The following SLC35D2 variants were observed in gnomAD, a reference collection of about 807,000 sequenced individuals.
The protein encoded by SLC35D2 is solute carrier family 35 member D2.
In SLC35D2, 43 loss-of-function variants were observed where a neutral mutation model predicts 41.8. That is an observed-to-expected ratio of 1.03 (90% CI 0.81 to 1.33). The LOEUF (loss-of-function observed/expected upper bound fraction) is 1.33, where lower values mean the gene tolerates loss of function less well. Ranked by LOEUF, SLC35D2 falls within the 40% of genes most tolerant of loss-of-function variation. The probability of loss-of-function intolerance (pLI) is 0.00; values close to 1 mark genes in which losing one functional copy is unlikely to be tolerated. For synonymous variants in SLC35D2, 150 were observed against 163.9 expected, an observed-to-expected ratio of 0.92 and a Z score of 0.65; for missense variants, 380 against 408.4, an observed-to-expected ratio of 0.93 and a Z score of 0.60.
intron 1 of SLC35D2, among the ~76,000 whole-genome samples, chr9:96,375,504 G>A (rs1204152810): frequency 6.6e-6 from 1 of 151,644 alleles, no homozygotes; most frequent in Non-Finnish European, 1.5e-5. Context: ...CTTGAACCCA[G>A]GAGATGGAGG....
chr9:96,337,080 G>A (rs1005223686), intron 8 of SLC35D2, among the ~76,000 whole-genome samples: 4 of 152,174 alleles, frequency 2.6e-5, no homozygotes, highest in Non-Finnish European at 5.9e-5. Flanking sequence ...GCACAAAATC[G>A]CAAACGCTAT....
In SLC35D2 at chr9:96,379,898, C is replaced by CTT. The variant is rs372665048; in HGVS notation, c.158+3577_158+3578dup. ...AAGTTAAAGATAGAAAGGCTAGAGC[C>CTT]TTTTTTTTTTTTTTTTTGAGACAGA... On this transcript the variant is annotated intron_variant, in intron 1 of 11. Transcript: ENST00000253270. Among the ~76,000 whole-genome samples the CTT allele has an allele frequency of 6.8e-3, 917 of 135,396 alleles. 9 individuals carry two copies. Among genetic ancestry groups the CTT allele is most frequent in the Non-Finnish European group, 0.011 (715 of 62,674 alleles). The allele number at this position is 135,396 out of a possible 152,430, so 88.8% of individuals were successfully genotyped here.
intron 1 of SLC35D2, among the ~76,000 whole-genome samples, chr9:96,379,415 C>T (rs1831098852): frequency 6.6e-6 from 1 of 152,134 alleles, no homozygotes; most frequent in South Asian, 2.1e-4. Flanking sequence ...TCAAAGGCCT[C>T]TCTGTCCAAC....
At chr9:96,368,151 C>A (rs1830547918) in intron 2 of SLC35D2, 121 bp downstream of exon 2, 3 of 628,220 alleles carry the variant, frequency 4.8e-6, no homozygotes, top group East Asian at 5.8e-5. Context: ...AGTACCATGA[C>A]CCTCTGGTCC....
exon 12 of SLC35D2, chr9:96,314,587 TA>T (rs1216242478): frequency 1.3e-5 from 2 of 151,956 alleles, no homozygotes; most frequent in African/African-American, 2.4e-5. Flanking sequence ...TGGGGCCTGT[TA>T]GGGGGGTGCG....
intron 2 of SLC35D2, among the ~76,000 whole-genome samples, chr9:96,367,122 G>A (rs1490258139): frequency 2.0e-5 from 3 of 150,452 alleles, no homozygotes; most frequent in African/African-American, 4.9e-5. Flanking sequence ...CGGGAGGCTG[G>A]GGCATAAGAA....
chr9:96,355,465 G>A (rs944882202), intron 4 of SLC35D2, among the ~76,000 whole-genome samples: 4 of 151,512 alleles, frequency 2.6e-5, no homozygotes, highest in Non-Finnish European at 4.4e-5. Context: ...TCCAGTCTGG[G>A]CAACAGAGTG....
intron 1 of SLC35D2, among the ~76,000 whole-genome samples, chr9:96,373,551 G>A (rs1230968065): frequency 6.6e-6 from 1 of 151,976 alleles, no homozygotes; most frequent in Non-Finnish European, 1.5e-5. Flanking sequence ...GCCGGGTGTG[G>A]TGGCGGGTGC....
chr9:96,375,578 CAAA>C (rs540487211), intron 1 of SLC35D2, among the ~76,000 whole-genome samples: 1 of 126,856 alleles, frequency 7.9e-6, no homozygotes, highest in Non-Finnish European at 1.7e-5. Flanking sequence ...AGCTCCATCT[CAAA>C]AAAAAAAAAA....
intron 1 of SLC35D2, among the ~76,000 whole-genome samples, chr9:96,369,653 T>C (rs1052442929): frequency 2.6e-5 from 4 of 152,162 alleles, no homozygotes; most frequent in African/African-American, 9.7e-5. Flanking sequence ...ATGACATAGA[T>C]GATGCTGCAG....
intron 2 of SLC35D2, among the ~76,000 whole-genome samples, chr9:96,365,615 A>C (rs573681083): frequency 6.6e-6 from 1 of 152,258 alleles, no homozygotes; most frequent in South Asian, 2.1e-4. Context: ...CATTTTTTAA[A>C]AAGTCCATTA....
chr9:96,382,496 C>CTCTATATATATATATATATATA (rs1554719387), intron 1 of SLC35D2, among the ~76,000 whole-genome samples: 67 of 127,928 alleles, frequency 5.2e-4, no homozygotes, highest in African/African-American at 1.6e-3. Context: ...CACACACACA[C>CTCTATATATATATATATATATA]TATATATATA....
chr9:96,338,005 A>AAAAAAAAAAAAAAAAAAG (rs373089900), intron 8 of SLC35D2, among the ~76,000 whole-genome samples: 1 of 104,796 alleles, frequency 9.5e-6, no homozygotes, highest in African/African-American at 4.3e-5. Context: ...AAAAAAAAAA[A>AAAAAAAAAAAAAAAAAAG]CTCAATTTCT....
At chr9:96,325,938 G>GA (rs1472873217) in intron 9 of SLC35D2, among the ~76,000 whole-genome samples, 6 of 152,042 alleles carry the variant, frequency 3.9e-5, no homozygotes, top group Non-Finnish European at 7.4e-5. Context: ...GTGGTAGAGG[G>GA]AAAAAAATCA....
intron 1 of SLC35D2, among the ~76,000 whole-genome samples, chr9:96,379,898 CTTT>C (rs372665048): frequency 1.8e-4 from 24 of 135,372 alleles, no homozygotes; most frequent in African/African-American, 4.4e-4. Flanking sequence ...AGGCTAGAGC[CTTT>C]TTTTTTTTTT....
At chr9:96,358,080 T>TATATTTTATATATATATATATATATA (rs1554715405) in intron 4 of SLC35D2, among the ~76,000 whole-genome samples, 2 of 122,712 alleles carry the variant, frequency 1.6e-5, no homozygotes, top group African/African-American at 7.8e-5. Flanking sequence ...ATTATATATT[T>TATATTTTATATATATATATATATATA]TATATATATA....
chr9:96,380,369 C>T (rs932439743), intron 1 of SLC35D2, among the ~76,000 whole-genome samples: 4 of 152,170 alleles, frequency 2.6e-5, no homozygotes, highest in East Asian at 1.9e-4. Context: ...CTCAGGTGCA[C>T]AAAATGAAGA....
At position 96,371,670 on chromosome 9, in the gene SLC35D2, G is replaced by GA. The variant is rs892954331; in HGVS notation, c.159-3366dup. Among the ~76,000 whole-genome samples the GA allele has an allele frequency of 2.1e-5, 3 of 145,560 alleles. No individual in the cohort carries two copies. The Admixed American group carries it at 2.1e-4, about 10-fold the overall frequency. On this transcript the variant is annotated intron_variant, in intron 1 of 11. Coordinates refer to ENST00000253270, the MANE Select transcript of SLC35D2 (RefSeq NM_007001.3). ...TTGAAAGTCAATAATTCTTTCAGTT[G>GA]AACTTCTACTTCTCTTTTCTCCATT...
chr9:96,319,223 T>C (rs916965007), downstream of SLC35D2, among the ~76,000 whole-genome samples: 4 of 152,124 alleles, frequency 2.6e-5, no homozygotes, highest in African/African-American at 9.7e-5. Context: ...TGAACCTCGG[T>C]GATATGGTGC....
Sources: gnomAD v4.1 joint callset for allele counts (sites outside exome capture counted in the v4.1 genomes callset) on GRCh38, gnomAD v4.1.1 for gene constraint, MANE v1.5 for transcripts, NCBI Gene and HGNC (gene_info 2026-07-23, HGNC 2026-07-21) for gene names.